Variants in RTCA observed in about 807,000 individuals in gnomAD.
The protein encoded by RTCA is RNA terminal phosphate cyclase domain 1.
RTCA carries 37 observed loss-of-function variants against 46.1 expected under a neutral mutation model. That is an observed-to-expected ratio of 0.80 (90% CI 0.62 to 1.06). The LOEUF (loss-of-function observed/expected upper bound fraction) is 1.06, where lower values mean the gene tolerates loss of function less well. RTCA is among the 50% of genes least tolerant of loss of function. The probability of loss-of-function intolerance (pLI) is 0.00; values close to 1 mark genes in which losing one functional copy is unlikely to be tolerated. For missense variants in RTCA, 435 were observed against 455.5 expected, an observed-to-expected ratio of 0.95 and a Z score of 0.41; for synonymous variants, 164 against 158.3, an observed-to-expected ratio of 1.04 and a Z score of -0.27.
At position 100,268,210 on chromosome 1, in the gene RTCA, G is replaced by C; in HGVS notation, c.205G>C (p.Gly69Arg). 1 of 1,614,154 alleles carries C rather than the reference G, an allele frequency of 6.2e-7. No homozygotes were observed. Among genetic ancestry groups the C allele is most frequent in the Non-Finnish European group, 8.5e-7 (1 of 1,180,028 alleles). Residue 69 changes from glycine to arginine, a missense_variant, in exon 3 of 11, where the codon GGG (glycine) becomes CGG (arginine). Physicochemically the swap from Gly to Arg is moderately radical, Grantham distance 125 (BLOSUM62 -2). Transcript: ENST00000370128. ...IRDLCDGQLE[G>R]AEIGSTEITF... is the part of the protein sequence containing the mutation. The stretch of plus-strand genomic sequence containing the variant: ...AGATTTGTGTGATGGGCAACTGGAG[G>C]GGGCAGAAATTGGCTCAACAGAAAT...
At chr1:100,289,234 T>G (rs1486682819) in intron 10 of RTCA, among the ~76,000 whole-genome samples, 1 of 152,070 alleles carries the variant, frequency 6.6e-6, no homozygotes, top group Non-Finnish European at 1.5e-5. Context: ...GCTCAAGTGA[T>G]CCTTTCACCT....
chr1:100,288,233 C>T (rs1276729475), intron 10 of RTCA, among the ~76,000 whole-genome samples: 1 of 152,172 alleles, frequency 6.6e-6, no homozygotes, highest in Non-Finnish European at 1.5e-5. Context: ...GTGTTTTCCT[C>T]TTCTCCTAAA....
intron 7 of RTCA, 28 bp from the exon 8 acceptor site, chr1:100,277,230 G>A (rs779219622): frequency 1.3e-6 from 2 of 1,599,590 alleles, no homozygotes; most frequent in Non-Finnish European, 1.7e-6. Flanking sequence ...TTATAGCAAA[G>A]GTAGTAATAA....
Position 100,268,189 on chromosome 1 carries a change from T to A in RTCA, c.184T>A (p.Leu62Met), listed in dbSNP as rs1239076243. ...HLSGLEMIRD[L>M]CDGQLEGAEI... ...ATCTGGACTGGAAATGATTCGAGATTTGTGTGATGGGCAACTGGAGGGGGC... is the reference window on the plus strand; with the variant it reads ...ATCTGGACTGGAAATGATTCGAGATATGTGTGATGGGCAACTGGAGGGGGC... The change falls in exon 3 of 11, where the codon TTG becomes ATG. Residue 62 changes from leucine (L) to methionine (M), a missense_variant. Physicochemically the swap from Leu to Met is conservative, Grantham distance 15. Transcript: ENST00000370128. 2 of 1,614,026 alleles carry A rather than the reference T, an allele frequency of 1.2e-6. No homozygotes were observed. Among genetic ancestry groups the A allele is most frequent in the East Asian group, 2.2e-5 (1 of 44,896 alleles).
At chr1:100,271,309 AACACT>A (rs1281895578) in intron 4 of RTCA, among the ~76,000 whole-genome samples, 2 of 151,912 alleles carry the variant, frequency 1.3e-5, no homozygotes, top group East Asian at 3.9e-4. Context: ...AAAAACAAAA[AACACT>A]ACACACAGAA....
chr1:100,272,610 A>G (rs948391006), intron 4 of RTCA, among the ~76,000 whole-genome samples: 3 of 152,208 alleles, frequency 2.0e-5, no homozygotes, highest in Admixed American at 2.0e-4. Flanking sequence ...TCTCTAGAGT[A>G]GATCTCAAAG....
intron 8 of RTCA, among the ~76,000 whole-genome samples, chr1:100,279,063 G>A (rs975334223): frequency 6.6e-6 from 1 of 152,174 alleles, no homozygotes; most frequent in African/African-American, 2.4e-5. Context: ...TGGATATTGA[G>A]CCACTGCATG....
At chr1:100,277,802 TGG>T (rs202209662) in intron 8 of RTCA, among the ~76,000 whole-genome samples, 5 of 149,980 alleles carry the variant, frequency 3.3e-5, no homozygotes, top group African/African-American at 1.2e-4. Flanking sequence ...TTTTTTTTTT[TGG>T]GGGGGGGCAC....
At position 100,274,907 on chromosome 1, in the gene RTCA, G is replaced by T. The variant is rs150053938; in HGVS notation, c.557G>T (p.Arg186Leu). 1,044 of 1,613,406 alleles carry T rather than the reference G, an allele frequency of 6.5e-4. No individual in the cohort carries two copies. Among genetic ancestry groups the T allele is most frequent in the Non-Finnish European group, 8.4e-4 (995 of 1,179,494 alleles). Residue 186 changes from arginine (R) to leucine (L), a missense_variant, in exon 6 of 11, where the codon CGT (arginine) becomes CTT (leucine). Transcript: ENST00000370128. ...TTGAACCCTATAAATTTAACTGAGC[G>T]TGGCTGTGTGACTAAGATATATGGA... is the stretch of plus-strand genomic sequence containing the variant. ...KQLNPINLTE[R>L]GCVTKIYGRA... is the part of the protein sequence containing the mutation.
intron 6 of RTCA, 93 bp from the exon 7 acceptor site, chr1:100,275,506 T>C (rs1666321169): frequency 1.1e-6 from 1 of 908,980 alleles, no homozygotes; most frequent in East Asian, 2.8e-5. Flanking sequence ...ATGTAAAAGC[T>C]ACCAATTATT....
Position 100,285,235 on chromosome 1 carries a change from T to C in RTCA, c.807T>C (p.Asn269=). 6.2e-7 allele frequency: 1 copy of C among 1,612,590 alleles called. No individual in the cohort carries two copies. The highest frequency in any genetic ancestry group is 1.7e-4 in the Middle Eastern group (1 of 6,056). Residue 269 remains asparagine, a synonymous_variant, in exon 9 of 11, where the codon AAT becomes AAC. Coordinates refer to ENST00000370128, the MANE Select transcript of RTCA (RefSeq NM_003729.4). ...AGSSLGKRGV[N]ADKVGIEAAE... is the part of the protein sequence containing the mutation. ...TGTTGTGCTTATCTTAAGGTGTAAA[T>C]GCAGACAAAGTTGGAATTGAAGCTG...
intron 9 of RTCA, 68 bp from the exon 10 acceptor site, chr1:100,287,031 C>T: frequency 9.7e-7 from 1 of 1,036,038 alleles, no homozygotes; most frequent in Non-Finnish European, 1.4e-6. Flanking sequence ...TTATTATGGG[C>T]AGCAGTGGAA....
At chr1:100,281,322 T>TAG in intron 8 of RTCA, 1 of 533,828 alleles carries the variant, frequency 1.9e-6, no homozygotes, top group Non-Finnish European at 3.8e-6. Flanking sequence ...TGTGTTATGA[T>TAG]AGAGAGCACT....
chr1:100,281,098 T>C, intron 8 of RTCA: 2 of 468,678 alleles, frequency 4.3e-6, no homozygotes, highest in South Asian at 3.1e-5. Flanking sequence ...AATACCACCA[T>C]AGGTGGTAGA....
chr1:100,267,408 GC>G, intron 2 of RTCA: 3 of 1,290,026 alleles, frequency 2.3e-6, no homozygotes, highest in Non-Finnish European at 2.0e-6. Context: ...AATTCATTAG[GC>G]TGTAGGTGTT....
At chr1:100,275,962 A>G (rs1471846293) in intron 7 of RTCA, among the ~76,000 whole-genome samples, 1 of 151,686 alleles carries the variant, frequency 6.6e-6, no homozygotes, top group Non-Finnish European at 1.5e-5. Flanking sequence ...GAGCCTCCTG[A>G]GTAGCTGGGA....
intron 2 of RTCA, chr1:100,266,972 C>A (rs1665818137): frequency 9.7e-6 from 3 of 309,492 alleles, no homozygotes; most frequent in South Asian, 6.3e-5. Flanking sequence ...GCTTGTGACG[C>A]CAGAGGAAAC....
chr1:100,271,084 A>G (rs1169472517), intron 4 of RTCA, among the ~76,000 whole-genome samples: 2 of 151,030 alleles, frequency 1.3e-5, no homozygotes, highest in East Asian at 2.0e-4. Flanking sequence ...GGGGGTGGGG[A>G]ATTATGTTTA....
In RTCA at chr1:100,287,165, A is replaced by C. The variant is rs1218856522; in HGVS notation, c.961A>C (p.Thr321Pro). 2.5e-6 allele frequency: 4 copies of C among 1,592,272 alleles called. No individual in the cohort carries two copies. Among genetic ancestry groups the C allele is most frequent in the Non-Finnish European group, 3.4e-6 (4 of 1,171,656 alleles). The change falls in exon 10 of 11, where the codon ACG becomes CCG. Residue 321 changes from threonine to proline, a missense_variant. Physicochemically the swap from Thr to Pro is conservative, Grantham distance 38. Coordinates refer to ENST00000370128, the MANE Select transcript of RTCA (RefSeq NM_003729.4). The part of the protein sequence containing the change: ...RIKTGPVTLH[T>P]QTAIHFAEQI... Reference sequence around the variant, plus strand: ...AAAAACAGGACCAGTTACACTCCATACGCAAACCGCGATACATTTTGCTGA... The same window carrying C: ...AAAAACAGGACCAGTTACACTCCATCCGCAAACCGCGATACATTTTGCTGA...
Sources: gnomAD v4.1 joint callset for allele counts (sites outside exome capture counted in the v4.1 genomes callset) on GRCh38, gnomAD v4.1.1 for gene constraint, MANE v1.5 for transcripts, NCBI Gene and HGNC (gene_info 2026-07-23, HGNC 2026-07-21) for gene names.